MAGI2: variants seen among roughly 807,000 people sequenced by gnomAD.
The protein encoded by MAGI2 is membrane-associated guanylate kinase, WW and PDZ domain-containing protein 2.
A neutral mutation model predicts 133.3 loss-of-function variants in MAGI2; 35 were observed. The observed-to-expected ratio is 0.26, with a 90% CI of 0.20 to 0.35. The LOEUF is 0.35. Among genes scored for constraint, MAGI2 ranks in the 10% least tolerant of loss-of-function variants. The pLI is 1.00. For synonymous variants in MAGI2, 729 were observed against 710.6 expected (o/e 1.03, Z -0.41); for missense variants, 1,636 against 1,863.4 (o/e 0.88, Z 2.25).
intron 9 of MAGI2, among the ~76,000 whole-genome samples, chr7:78,265,137 G>T (rs2150970721): frequency 6.6e-6 from 1 of 151,938 alleles, no homozygotes; most frequent in Non-Finnish European, 1.5e-5. Context: ...CTCCCTACCA[G>T]ATGTGAATTA....
At chr7:79,133,464 T>G (rs1190846197) in intron 1 of MAGI2, among the ~76,000 whole-genome samples, 3 of 152,210 alleles carry the variant, frequency 2.0e-5, no homozygotes, top group Admixed American at 6.5e-5. Flanking sequence ...TGACTATATG[T>G]ATTTGGCTTT....
At chr7:78,810,176 T>G (rs1411678800) in intron 2 of MAGI2, among the ~76,000 whole-genome samples, 1 of 152,144 alleles carries the variant, frequency 6.6e-6, no homozygotes, top group Non-Finnish European at 1.5e-5. Flanking sequence ...GTTATAGATT[T>G]TTTTTTTATA....
At chr7:79,275,437 C>T (rs1372454147) in intron 1 of MAGI2, among the ~76,000 whole-genome samples, 1 of 152,120 alleles carries the variant, frequency 6.6e-6, no homozygotes, top group Non-Finnish European at 1.5e-5. Context: ...GATAAGAAAG[C>T]TTAAGAAGAA....
intron 2 of MAGI2, among the ~76,000 whole-genome samples, chr7:78,759,031 T>C (rs1460563578): frequency 6.6e-6 from 1 of 152,180 alleles, no homozygotes; most frequent in Non-Finnish European, 1.5e-5. Flanking sequence ...ATAGTAGATA[T>C]TGAATCTTTG....
intron 7 of MAGI2, among the ~76,000 whole-genome samples, chr7:78,353,610 G>C (rs562212064): frequency 6.6e-6 from 1 of 152,212 alleles, no homozygotes; most frequent in Non-Finnish European, 1.5e-5. Context: ...AGGGAGAAAA[G>C]ACAACTTAGT....
intron 15 of MAGI2, among the ~76,000 whole-genome samples, chr7:78,165,425 T>C (rs1203288338): frequency 6.6e-6 from 1 of 152,230 alleles, no homozygotes; most frequent in Non-Finnish European, 1.5e-5. Context: ...TCAGTGTAAC[T>C]AACCTTTCTG....
rs188423392 is a variant in MAGI2, at chr7:78,164,781, A to G, written c.2596+3135T>C. ...ATGAAGTCATAAAATGTTCTTTCACATCAATTCTAGATTTACACTTCAGGA... is the reference window on the plus strand; with the variant it reads ...ATGAAGTCATAAAATGTTCTTTCACGTCAATTCTAGATTTACACTTCAGGA... On this transcript the variant is annotated intron_variant, in intron 15 of 21. Transcript: ENST00000354212. Among the ~76,000 whole-genome samples the G allele has an allele frequency of 2.7e-4, 41 of 152,372 alleles. 1 individual carries two copies. Among genetic ancestry groups the G allele is most frequent in the Admixed American group, 2.1e-3 (32 of 15,302 alleles).
chr7:78,945,155 C>T (rs930704518), intron 2 of MAGI2, among the ~76,000 whole-genome samples: 21 of 151,890 alleles, frequency 1.4e-4, no homozygotes, highest in African/African-American at 3.1e-4. Context: ...TCCCCCTCCC[C>T]GGTTCAAGCA....
At chr7:78,308,337 G>A (rs1445090403) in intron 9 of MAGI2, among the ~76,000 whole-genome samples, 1 of 152,180 alleles carries the variant, frequency 6.6e-6, no homozygotes, top group African/African-American at 2.4e-5. Context: ...TAGGAAGAGA[G>A]ACCAATGTAC....
At chr7:78,537,200 C>G (rs983083446) in intron 3 of MAGI2, among the ~76,000 whole-genome samples, 1 of 149,356 alleles carries the variant, frequency 6.7e-6, no homozygotes, top group African/African-American at 2.4e-5. Flanking sequence ...CACACACACA[C>G]ACACACAGAC....
intron 1 of MAGI2, among the ~76,000 whole-genome samples, chr7:79,275,072 A>G (rs1835140115): frequency 6.6e-6 from 1 of 152,152 alleles, no homozygotes; most frequent in African/African-American, 2.4e-5. Context: ...ATAACCTACA[A>G]TATCCTCTAA....
chr7:79,212,655 T>C (rs761320775), intron 1 of MAGI2, among the ~76,000 whole-genome samples: 2 of 152,096 alleles, frequency 1.3e-5, no homozygotes, highest in African/African-American at 2.4e-5. Context: ...CCACCTGTTC[T>C]GTTAGAGGAG....
Position 78,187,498 on chromosome 7 carries a change from A to G in MAGI2, c.2270-1828T>C, listed in dbSNP as rs559775637. Among the ~76,000 whole-genome samples, 10 of 152,296 alleles carry G rather than the reference A, an allele frequency of 6.6e-5. No individual in the cohort carries two copies. The South Asian group carries it at 2.1e-3, about 32-fold the overall frequency. ...CCATATAAGGCTCACATAATACCAA[A>G]AAAATGAGTATTTTATCCTTAAATT... On this transcript the variant is annotated intron_variant, in intron 12 of 21. Coordinates refer to ENST00000354212, the MANE Select transcript of MAGI2 (RefSeq NM_012301.4).
chr7:78,098,169 A>G (rs1278186125), intron 20 of MAGI2, among the ~76,000 whole-genome samples: 1 of 152,168 alleles, frequency 6.6e-6, no homozygotes, highest in African/African-American at 2.4e-5. Context: ...TCTTCAGGAT[A>G]GAGTTGGAGC....
intron 2 of MAGI2, among the ~76,000 whole-genome samples, chr7:78,796,273 C>T (rs997534114): frequency 1.3e-5 from 2 of 151,974 alleles, no homozygotes; most frequent in East Asian, 3.9e-4. Flanking sequence ...ATAAGGAACT[C>T]AAACAACTCA....
At chr7:78,509,548 T>C (rs17150925) in intron 4 of MAGI2, among the ~76,000 whole-genome samples, 4,214 of 152,292 alleles carry the variant, frequency 0.028, 103 homozygotes, top group African/African-American at 0.059. Context: ...TTTAGTTCAG[T>C]CCTTATAAAT....
intron 1 of MAGI2, among the ~76,000 whole-genome samples, chr7:79,429,030 T>C (rs1031367261): frequency 6.6e-6 from 1 of 152,132 alleles, no homozygotes; most frequent in Non-Finnish European, 1.5e-5. Context: ...ACAGCCTGTA[T>C]ATAACTTCTA....
chr7:78,259,866 C>T (rs1793348951), intron 9 of MAGI2, among the ~76,000 whole-genome samples: 1 of 152,114 alleles, frequency 6.6e-6, no homozygotes, highest in Non-Finnish European at 1.5e-5. Flanking sequence ...ATTAATGTTA[C>T]CTATTTTTGA....
chr7:79,406,971 G>C (rs1488244064), intron 1 of MAGI2, among the ~76,000 whole-genome samples: 2 of 152,038 alleles, frequency 1.3e-5, no homozygotes, highest in Non-Finnish European at 2.9e-5. Flanking sequence ...AATACCTATG[G>C]TCTCCTAATT....
Sources: gnomAD v4.1 joint callset for allele counts (sites outside exome capture counted in the v4.1 genomes callset) on GRCh38, gnomAD v4.1.1 for gene constraint, MANE v1.5 for transcripts, NCBI Gene and HGNC (gene_info 2026-07-23, HGNC 2026-07-21) for gene names.